The following CELF6 variants were observed in gnomAD, a reference collection of about 807,000 sequenced individuals.
CELF6 encodes the protein CUGBP Elav-like family member 6, also known as Bruno -like 6, RNA binding protein.
A neutral mutation model predicts 53.1 loss-of-function variants in CELF6; 32 were observed. The ratio of observed to expected loss-of-function variants is 0.60; its 90% CI spans 0.46 to 0.81. CELF6 has a LOEUF of 0.81. Among genes scored for constraint, CELF6 ranks in the 30% least tolerant of loss-of-function variants. The pLI is 0.00. For synonymous variants in CELF6, 291 were observed against 288.8 expected (o/e 1.01, Z -0.08); for missense variants, 539 against 669.5 (o/e 0.81, Z 2.15).
chr15:72,290,078 C>T, intron 4 of CELF6, 49 bp downstream of exon 4: 1 of 1,613,268 alleles, frequency 6.2e-7, no homozygotes, highest in Non-Finnish European at 8.5e-7. Flanking sequence ...GTTATGTGGC[C>T]CAGAGTGAGG....
chr15:72,313,267 A>G (rs2088321453), intron 2 of CELF6, among the ~76,000 whole-genome samples: 1 of 152,230 alleles, frequency 6.6e-6, no homozygotes, highest in Admixed American at 6.5e-5. Context: ...CTTATGACTT[A>G]GTTTTCTCAC....
intron 2 of CELF6, 95 bp downstream of exon 2, chr15:72,315,750 G>A (rs1051366703): frequency 2.0e-5 from 15 of 747,578 alleles, no homozygotes; most frequent in Admixed American, 3.2e-5. Flanking sequence ...TCTAGTTCTC[G>A]GTCCCAACCC....
intron 3 of CELF6, among the ~76,000 whole-genome samples, chr15:72,296,081 A>C (rs1002475931): frequency 1.7e-4 from 26 of 152,336 alleles, no homozygotes; most frequent in African/African-American, 5.8e-4. Flanking sequence ...ACTCTCTTAC[A>C]TATGGTCAAA....
At chr15:72,295,122 T>G (rs1193495832) in intron 3 of CELF6, among the ~76,000 whole-genome samples, 1 of 149,000 alleles carries the variant, frequency 6.7e-6, no homozygotes, top group Non-Finnish European at 1.5e-5. Flanking sequence ...TCACCTGAGG[T>G]CAGGAGTTTG....
At chr15:72,305,687 A>T (rs868352112) in intron 2 of CELF6, among the ~76,000 whole-genome samples, 1 of 151,900 alleles carries the variant, frequency 6.6e-6, no homozygotes, top group African/African-American at 2.4e-5. Flanking sequence ...AGTCTCATCC[A>T]CACTCAGCCT....
intron 2 of CELF6, among the ~76,000 whole-genome samples, chr15:72,311,817 T>C (rs940724861): frequency 1.3e-5 from 2 of 152,234 alleles, no homozygotes; most frequent in Admixed American, 1.3e-4. Flanking sequence ...TCCCCAACCC[T>C]GGGATGAATG....
intron 3 of CELF6, 25 bp from the exon 4 acceptor site, chr15:72,290,280 T>C (rs758048583): frequency 1.2e-6 from 2 of 1,608,336 alleles, no homozygotes; most frequent in African/African-American, 1.3e-5. Flanking sequence ...AGGAATGACC[T>C]GGGGACCCCA....
intron 2 of CELF6, among the ~76,000 whole-genome samples, chr15:72,309,125 A>G (rs1354201434): frequency 6.6e-6 from 1 of 152,104 alleles, no homozygotes; most frequent in Admixed American, 6.5e-5. Context: ...GTTGCCCAGG[A>G]TGGTCTCAAA....
intron 2 of CELF6, among the ~76,000 whole-genome samples, chr15:72,307,437 C>T (rs984728818): frequency 2.0e-5 from 3 of 152,164 alleles, no homozygotes; most frequent in Admixed American, 2.0e-4. Context: ...TTCATAGGCT[C>T]GCAGAGGGGA....
chr15:72,293,729 T>C (rs2088037881), intron 3 of CELF6, among the ~76,000 whole-genome samples: 1 of 151,360 alleles, frequency 6.6e-6, no homozygotes, highest in Non-Finnish European at 1.5e-5. Flanking sequence ...AGTCTTGCTC[T>C]GTCACCCAAG....
At chr15:72,314,865 G>C (rs2088342631) in intron 2 of CELF6, among the ~76,000 whole-genome samples, 1 of 152,104 alleles carries the variant, frequency 6.6e-6, no homozygotes, top group Non-Finnish European at 1.5e-5. Context: ...AAAGTGCTAG[G>C]ATTACAGGCG....
intron 3 of CELF6, among the ~76,000 whole-genome samples, chr15:72,301,952 G>C (rs1478829848): frequency 6.6e-6 from 1 of 151,944 alleles, no homozygotes; most frequent in Non-Finnish European, 1.5e-5. Context: ...AACCAAGATG[G>C]TCTTGATCTC....
chr15:72,288,654 G>A lies in CELF6; in HGVS notation c.1094-36C>T. ...AGGTGGGAGTGGACAGTGATCCCCA[G>A]GAGCCCTTCCCCAAGCAGGGCCCCA... is the stretch of plus-strand genomic sequence containing the variant. On this transcript the variant is annotated intron_variant, in intron 9 of 12. Transcript: ENST00000287202. This position sits in a 1 kb window ranked among gnomAD's most constrained non-coding sequence, Gnocchi z 4.6. The A allele has an allele frequency of 2.6e-6, 4 of 1,544,626 alleles. No individual in the cohort carries two copies. Among genetic ancestry groups the A allele is most frequent in the Non-Finnish European group, 3.5e-6 (4 of 1,142,408 alleles).
rs1381861428 is a variant in CELF6 at position 72,319,997 on chromosome 15, T to G, written c.-123A>C. On this transcript the variant is annotated 5_prime_UTR_variant, in exon 1 of 13. Coordinates refer to ENST00000287202, the MANE Select transcript of CELF6 (RefSeq NM_052840.5). This position sits in a 1 kb window ranked among gnomAD's most constrained non-coding sequence, Gnocchi z 5.0. The stretch of plus-strand genomic sequence containing the variant: ...AGCCCGGGCGGAGAGGGCGGGGGGC[T>G]GCCCAGGGGGCGGGGTCCGGGTGGA... 220 of 855,492 alleles carry G rather than the reference T, an allele frequency of 2.6e-4. 2 individuals carry two copies. The highest frequency in any genetic ancestry group is 2.4e-3 in the Middle Eastern group (5 of 2,072). The allele number at this position is 855,492 out of a possible 1,614,324, so 53.0% of individuals were successfully genotyped here.
At chr15:72,311,525 C>A (rs375465108) in intron 2 of CELF6, among the ~76,000 whole-genome samples, 1 of 151,676 alleles carries the variant, frequency 6.6e-6, no homozygotes, top group South Asian at 2.1e-4. Context: ...GCCTCAGCCT[C>A]CCGAGTAGCT....
intron 3 of CELF6, among the ~76,000 whole-genome samples, chr15:72,290,583 T>C (rs1048608019): frequency 7.9e-5 from 12 of 152,186 alleles, no homozygotes; most frequent in African/African-American, 2.9e-4. Context: ...ATGTTTGACC[T>C]TTCTGTTCTT....
chr15:72,304,763 G>A lies in CELF6; in HGVS notation c.377C>T (p.Ala126Val). 1 of 1,614,158 alleles carries A rather than the reference G, an allele frequency of 6.2e-7. No homozygotes were observed. Among genetic ancestry groups the A allele is most frequent in the South Asian group, 1.1e-5 (1 of 91,082 alleles). Residue 126 changes from alanine to valine, a missense_variant, in exon 3 of 13, where the codon GCC (alanine) becomes GTC (valine). Physicochemically the swap from Ala to Val is moderately conservative, Grantham distance 64. Around this residue, in one of 3 missense-constraint regions of CELF6, gnomAD observed 97 missense variants for 168.8 expected, o/e 0.57. Coordinates refer to ENST00000287202, the MANE Select transcript of CELF6 (RefSeq NM_052840.5). Reference protein sequence around the residue: ...MNRPIQVKPAASEGRGEDRKL... With the variant: ...MNRPIQVKPAVSEGRGEDRKL... The stretch of plus-strand genomic sequence containing the variant: ...GAAGTTACCTCCTCGGCCCTCACTG[G>A]CAGCTGGCTTCACTTGGATCGGACG...
intron 3 of CELF6, among the ~76,000 whole-genome samples, chr15:72,301,879 T>G (rs1258279481): frequency 2.0e-5 from 3 of 151,934 alleles, no homozygotes; most frequent in Non-Finnish European, 4.4e-5. Context: ...TGGGACTACA[T>G]GCGCCCGCCA....
Position 72,286,358 on chromosome 15 carries a change from A to C in CELF6, c.*29-16T>G, listed in dbSNP as rs1399096203. ...TCTTCTGTTTCTGTTGTTGTGTATT[A>C]ATTGATAAGGAGAGATAGGGGGGAA... On this transcript the variant is annotated splice_polypyrimidine_tract_variant and intron_variant, in intron 12 of 12. Coordinates refer to ENST00000287202, the MANE Select transcript of CELF6 (RefSeq NM_052840.5). 1 of 152,676 alleles carries C rather than the reference A, an allele frequency of 6.5e-6. No homozygotes were observed. Among genetic ancestry groups the C allele is most frequent in the Non-Finnish European group, 1.5e-5 (1 of 68,066 alleles). 9.5% of individuals were successfully genotyped at this position (152,676 alleles called of 1,614,324 possible).
Sources: gnomAD v4.1 joint callset for allele counts (sites outside exome capture counted in the v4.1 genomes callset) on GRCh38, gnomAD v4.1.1 for gene constraint, gnomAD v4.1.1 regional missense constraint, Gnocchi (gnomAD v3.1) non-coding constraint, MANE v1.5 for transcripts, NCBI Gene and HGNC (gene_info 2026-07-23, HGNC 2026-07-21) for gene names.